The following PPP2R1B variants were observed in gnomAD, a reference collection of about 807,000 sequenced individuals.
PPP2R1B encodes serine/threonine-protein phosphatase 2A 65 kDa regulatory subunit A beta isoform.
PPP2R1B carries 58 observed loss-of-function variants against 72.7 expected under a neutral mutation model. That is an observed-to-expected ratio of 0.80 (90% CI 0.65 to 0.99). The LOEUF (loss-of-function observed/expected upper bound fraction) is 0.99, where lower values mean the gene tolerates loss of function less well. Among genes scored for constraint, PPP2R1B ranks in the 50% least tolerant of loss-of-function variants. The pLI is 0.00. For synonymous variants in PPP2R1B, 256 were observed against 264.6 expected, an observed-to-expected ratio of 0.97 and a Z score of 0.32; for missense variants, 695 against 733.6, an observed-to-expected ratio of 0.95 and a Z score of 0.61.
chr11:111,708,438 C>G, the PPP2R1B span, among the ~76,000 whole-genome samples: 2 of 152,052 alleles, frequency 1.3e-5, no homozygotes, highest in Admixed American at 6.6e-5. Flanking sequence ...ATTTAGACAA[C>G]AGTGGGATTC....
Position 111,739,082 on chromosome 11 carries a change from G to A in PPP2R1B, c.*2514C>T. 3 of 985,354 alleles carry A rather than the reference G, an allele frequency of 3.0e-6. No individual in the cohort carries two copies. Among genetic ancestry groups the A allele is most frequent in the Non-Finnish European group, 3.6e-6 (3 of 829,920 alleles). The allele number at this position is 985,354 out of a possible 1,614,324, so 61.0% of individuals were successfully genotyped here. On this transcript the variant is annotated 3_prime_UTR_variant, in exon 15 of 15. Transcript: ENST00000527614. ...ACATAAAGCTTGTTTCCTGAAAGCA[G>A]GAAAATCTTTCTGTCAGTGGGAGAA...
chr11:111,721,148 T>G, the PPP2R1B span: 1 of 1,463,292 alleles, frequency 6.8e-7, no homozygotes, highest in African/African-American at 1.4e-5. Flanking sequence ...ACTTAGAGGA[T>G]TTCCTCCAGT....
At position 111,738,587 on chromosome 11, in the gene PPP2R1B, T is replaced by C; in HGVS notation, c.*3009A>G. On this transcript the variant is annotated 3_prime_UTR_variant, in exon 15 of 15. Coordinates refer to ENST00000527614, the MANE Select transcript of PPP2R1B (RefSeq NM_002716.5). The stretch of plus-strand genomic sequence containing the variant: ...CCGTCTCTGTTGAGTCAGGACAAGT[T>C]GTCTGGCAAAGACCCCTGGGGCTCT... 8 of 985,464 alleles carry C rather than the reference T, an allele frequency of 8.1e-6. No homozygotes were observed. The highest frequency in any genetic ancestry group is 9.6e-6 in the Non-Finnish European group (8 of 829,944). 61.0% of individuals were successfully genotyped at this position (985,464 alleles called of 1,614,324 possible).
the PPP2R1B span, among the ~76,000 whole-genome samples, chr11:111,714,596 C>G: frequency 2.6e-5 from 4 of 152,250 alleles, no homozygotes; most frequent in Admixed American, 6.5e-5. Context: ...AATTGATAGA[C>G]TATTAAGGTC....
At chr11:111,734,755 G>A (rs1287607499), downstream of PPP2R1B, among the ~76,000 whole-genome samples, 1 of 152,216 alleles carries the variant, frequency 6.6e-6, no homozygotes, top group Non-Finnish European at 1.5e-5. Flanking sequence ...TGGCCAAGAG[G>A]TTGGCCCTTA....
chr11:111,716,049 G>A, the PPP2R1B span, among the ~76,000 whole-genome samples: 678 of 152,072 alleles, frequency 4.5e-3, 2 homozygotes, highest in Non-Finnish European at 7.6e-3. Context: ...TGATCTGCCC[G>A]CCTTGGCCTC....
intron 15 of PPP2R1B, among the ~76,000 whole-genome samples, chr11:111,732,172 A>T (rs1944213709): frequency 6.6e-6 from 1 of 152,246 alleles, no homozygotes; most frequent in Admixed American, 6.5e-5. Flanking sequence ...ACAGGGCCCA[A>T]GGTTCTGTTC....
At chr11:111,714,003 G>A in the PPP2R1B span, among the ~76,000 whole-genome samples, 1 of 152,162 alleles carries the variant, frequency 6.6e-6, no homozygotes, top group East Asian at 1.9e-4. Flanking sequence ...AGTCCTTTAA[G>A]GAAGTATAAA....
chr11:111,753,379 C>T, intron 9 of PPP2R1B, 64 bp downstream of exon 9: 5 of 1,561,026 alleles, frequency 3.2e-6, no homozygotes, highest in Non-Finnish European at 4.3e-6. Context: ...TAATGAAACC[C>T]TAAACCAAAA....
the PPP2R1B span, chr11:111,721,104 G>C: frequency 6.3e-7 from 1 of 1,578,140 alleles, no homozygotes; most frequent in Non-Finnish European, 8.6e-7. Context: ...CTGTGAGGAT[G>C]AGGTGTGAGT....
chr11:111,721,303 C>A, the PPP2R1B span, among the ~76,000 whole-genome samples: 1 of 152,182 alleles, frequency 6.6e-6, no homozygotes, highest in Non-Finnish European at 1.5e-5. Context: ...CTGTTTTTGG[C>A]TCACAGGGCA....
intron 5 of PPP2R1B, among the ~76,000 whole-genome samples, chr11:111,756,785 C>T (rs1396842049): frequency 6.6e-6 from 1 of 152,278 alleles, no homozygotes; most frequent in African/African-American, 2.4e-5. Flanking sequence ...AACGTGACAC[C>T]TACGTCCTTT....
the PPP2R1B span, chr11:111,705,171 T>A: frequency 6.6e-7 from 1 of 1,507,616 alleles, no homozygotes; most frequent in East Asian, 2.6e-5. This position sits in a 1 kb window ranked among gnomAD's most constrained non-coding sequence, Gnocchi z 4.3. Flanking sequence ...GTCTTATCTG[T>A]GCATGTGCCT....
chr11:111,692,816 G>GT, the PPP2R1B span, among the ~76,000 whole-genome samples: 412 of 145,986 alleles, frequency 2.8e-3, 1 homozygote, highest in Admixed American at 4.9e-3. Context: ...TTTTTTCTGG[G>GT]TTTTTTTTTT....
rs1001900817 is a variant in PPP2R1B, at chr11:111,766,305, A to C, written c.57T>G (p.Asp19Glu). 1 of 1,574,772 alleles carries C rather than the reference A, an allele frequency of 6.4e-7. No homozygotes were observed. Among genetic ancestry groups the C allele is most frequent in the African/African-American group, 1.6e-5 (1 of 61,994 alleles). Residue 19 changes from aspartate to glutamate, a missense_variant, in exon 1 of 15, where the codon GAT becomes GAG. Asp to Glu is a conservative substitution (Grantham distance 45). Coordinates refer to ENST00000527614, the MANE Select transcript of PPP2R1B (RefSeq NM_002716.5). ...TGPGAAGGDGDDSLYPIAVLI... is the reference protein window; with the variant it reads ...TGPGAAGGDGEDSLYPIAVLI... ...AAACCGCGATCGGGTATAGCGAATCATCTCCATCTCCACCCGCTGCTCCTG... is the reference window on the plus strand; with the variant it reads ...AAACCGCGATCGGGTATAGCGAATCCTCTCCATCTCCACCCGCTGCTCCTG...
downstream of PPP2R1B, chr11:111,723,725 C>A (rs767190064): frequency 2.7e-5 from 43 of 1,614,058 alleles, no homozygotes; most frequent in Non-Finnish European, 3.6e-5. Context: ...TTTCCTCAGC[C>A]AGTACCAAGA....
intron 13 of PPP2R1B, 168 bp from the exon 14 acceptor site, chr11:111,742,312 A>T (rs1449972296): frequency 4.5e-6 from 3 of 666,592 alleles, no homozygotes; most frequent in East Asian, 6.1e-5. Flanking sequence ...CAGCAAAATC[A>T]GCTTCAGACA....
In PPP2R1B at chr11:111,752,285, A is replaced by G. The variant is rs1157711314; in HGVS notation, c.1212T>C (p.Asn404=). Residue 404 remains asparagine (N), a synonymous_variant, in exon 10 of 15, where the codon AAT becomes AAC. Transcript: ENST00000527614. ...AGAGCTGACGGATTCCAATCACTTC[A>G]TTTACACAATCCAAATTGGAGATGA... ...LNIISNLDCV[N]EVIGIRQLSQ... is the part of the protein sequence containing the mutation. The G allele has an allele frequency of 6.2e-7, 1 of 1,613,828 alleles. No homozygotes were observed. Among genetic ancestry groups the G allele is most frequent in the Non-Finnish European group, 8.5e-7 (1 of 1,179,958 alleles).
At chr11:111,714,355 T>C in the PPP2R1B span, among the ~76,000 whole-genome samples, 1 of 152,198 alleles carries the variant, frequency 6.6e-6, no homozygotes, top group Admixed American at 6.5e-5. Context: ...TTGGTATCAG[T>C]TGAAACAACT....
Sources: gnomAD v4.1 joint callset for allele counts (sites outside exome capture counted in the v4.1 genomes callset) on GRCh38, gnomAD v4.1.1 for gene constraint, Gnocchi (gnomAD v3.1) non-coding constraint, MANE v1.5 for transcripts, NCBI Gene and HGNC (gene_info 2026-07-23, HGNC 2026-07-21) for gene names.